The following GABRB1 variants were observed in gnomAD, a reference collection of about 807,000 sequenced individuals.
The protein encoded by GABRB1 is gamma-aminobutyric acid type A receptor subunit beta1.
Under a neutral mutation model 51.6 loss-of-function variants are expected in GABRB1, and 17 were observed. The observed-to-expected ratio is 0.33, with a 90% confidence interval of 0.23 to 0.49. The LOEUF (loss-of-function observed/expected upper bound fraction) is 0.49, where lower values mean the gene tolerates loss of function less well. Ranked by LOEUF, GABRB1 falls within the 20% of genes least tolerant of loss-of-function variation. The pLI is 0.99. For missense variants in GABRB1, 410 were observed against 600.6 expected (o/e 0.68, Z 3.32); for synonymous variants, 247 against 218.9 (o/e 1.13, Z -1.14).
chr4:47,406,707 A>C lies in GABRB1; in HGVS notation c.861A>C (p.Thr287=). 1 of 1,614,188 alleles carries C rather than the reference A, an allele frequency of 6.2e-7. No individual in the cohort carries two copies. Among genetic ancestry groups the C allele is most frequent in the Non-Finnish European group, 8.5e-7 (1 of 1,180,014 alleles). ...ALGITTVLTM[T]TISTHLRETL... Reference sequence around the variant, plus strand: ...GAATCACGACAGTGCTTACAATGACAACCATCAGCACCCACCTCAGGGAGA... The same window carrying C: ...GAATCACGACAGTGCTTACAATGACCACCATCAGCACCCACCTCAGGGAGA... Residue 287 remains threonine, a synonymous_variant, in exon 8 of 9, where the codon ACA becomes ACC. Coordinates refer to ENST00000295454, the MANE Select transcript of GABRB1 (RefSeq NM_000812.4).
intron 5 of GABRB1, among the ~76,000 whole-genome samples, chr4:47,330,479 T>C (rs1388531052): frequency 6.6e-6 from 1 of 152,160 alleles, no homozygotes; most frequent in Non-Finnish European, 1.5e-5. Context: ...AAGTAGACAA[T>C]AGTCAGAAGC....
At chr4:47,333,053 G>A (rs562465069) in intron 5 of GABRB1, among the ~76,000 whole-genome samples, 40 of 147,206 alleles carry the variant, frequency 2.7e-4, no homozygotes, top group Middle Eastern at 3.6e-3. Flanking sequence ...GTTGTTACAA[G>A]ATGTTAATCT....
intron 5 of GABRB1, among the ~76,000 whole-genome samples, chr4:47,360,033 G>A (rs1726742870): frequency 6.6e-6 from 1 of 151,810 alleles, no homozygotes; most frequent in South Asian, 2.1e-4. Flanking sequence ...CAACATGAGA[G>A]CGGGGAGGAT....
intron 5 of GABRB1, among the ~76,000 whole-genome samples, chr4:47,386,443 A>G (rs2110034556): frequency 6.6e-6 from 1 of 152,344 alleles, no homozygotes; most frequent in East Asian, 1.9e-4. Context: ...TTTATTGATA[A>G]CAAGCACATC....
chr4:47,036,540 G>A (rs1725575361), intron 3 of GABRB1, among the ~76,000 whole-genome samples: 1 of 152,178 alleles, frequency 6.6e-6, no homozygotes, highest in African/African-American at 2.4e-5. Flanking sequence ...TGAATATCAA[G>A]GTAGTACATT....
At chr4:47,286,662 A>G (rs550715133) in intron 4 of GABRB1, among the ~76,000 whole-genome samples, 1 of 152,380 alleles carries the variant, frequency 6.6e-6, no homozygotes, top group South Asian at 2.1e-4. Context: ...CCTGTAGCTT[A>G]TGAGGTATAG....
rs1305298443 is a variant in GABRB1, at chr4:47,254,361, G to GGTTTTTTTTTTTTTTTTTTTTTTT, written c.462-65766_462-65765insGTTTTTTTTTTTTTTTTTTTTTTT. Among the ~76,000 whole-genome samples, 3 of 80,966 alleles carry GGTTTTTTTTTTTTTTTTTTTTTTT rather than the reference G, an allele frequency of 3.7e-5. 1 individual carries two copies. The highest frequency in any genetic ancestry group is 5.2e-5 in the African/African-American group (1 of 19,264). 53.1% of individuals were successfully genotyped at this position (80,966 alleles called of 152,430 possible). The stretch of plus-strand genomic sequence containing the variant: ...ATGGTGGATGATGTTTCTTTTCTTT[G>GGTTTTTTTTTTTTTTTTTTTTTTT]TTTTTTTTTTTTTTTTTTTTTTTTT... On this transcript the variant is annotated intron_variant, in intron 4 of 8. Transcript: ENST00000295454.
At chr4:47,286,029 T>C (rs559046687) in intron 4 of GABRB1, among the ~76,000 whole-genome samples, 170 of 152,346 alleles carry the variant, frequency 1.1e-3, no homozygotes, top group Non-Finnish European at 2.1e-3. Flanking sequence ...ACTTTTCTCA[T>C]TACTGGAAGA....
At chr4:47,262,810 T>C (rs1048912577) in intron 4 of GABRB1, among the ~76,000 whole-genome samples, 6 of 152,012 alleles carry the variant, frequency 3.9e-5, no homozygotes, top group African/African-American at 9.7e-5. Context: ...CCAACAATGA[T>C]AGACTGGATT....
At chr4:47,404,908 A>G (rs1477320813) in intron 7 of GABRB1, among the ~76,000 whole-genome samples, 4 of 152,178 alleles carry the variant, frequency 2.6e-5, no homozygotes, top group African/African-American at 9.7e-5. Context: ...CAAAGCTAAT[A>G]CTATTTTAAT....
intron 3 of GABRB1, among the ~76,000 whole-genome samples, chr4:47,035,665 C>T (rs112981026): frequency 7.2e-5 from 11 of 152,018 alleles, no homozygotes; most frequent in South Asian, 4.1e-4. Context: ...TACACACACA[C>T]GCACAAAGAG....
intron 4 of GABRB1, among the ~76,000 whole-genome samples, chr4:47,246,519 C>T (rs1486258435): frequency 6.7e-6 from 1 of 149,280 alleles, no homozygotes; most frequent in Non-Finnish European, 1.5e-5. Flanking sequence ...CATATATTGA[C>T]TTCTTTGTCT....
At chr4:47,352,172 AT>A (rs1223792448) in intron 5 of GABRB1, among the ~76,000 whole-genome samples, 2 of 152,158 alleles carry the variant, frequency 1.3e-5, no homozygotes, top group East Asian at 3.8e-4. Flanking sequence ...GATGACGAGC[AT>A]TTTTTCATGT....
chr4:47,417,575 G>A (rs1020018490), intron 8 of GABRB1, among the ~76,000 whole-genome samples: 4 of 152,182 alleles, frequency 2.6e-5, no homozygotes, highest in African/African-American at 9.7e-5. Context: ...GGAAGATGAA[G>A]GCTGGGCTGT....
chr4:47,063,899 G>C (rs1479595807), intron 3 of GABRB1, among the ~76,000 whole-genome samples: 3 of 152,166 alleles, frequency 2.0e-5, no homozygotes, highest in South Asian at 4.2e-4. Flanking sequence ...GGGCAGGGCT[G>C]GGGGAGAGCA....
chr4:47,017,165 C>A (rs933166916), intron 1 of GABRB1, among the ~76,000 whole-genome samples: 3 of 152,166 alleles, frequency 2.0e-5, no homozygotes. Context: ...GTGCGGCCTT[C>A]TCCATGTTTT....
chr4:47,116,819 G>C (rs1003905737), intron 3 of GABRB1, among the ~76,000 whole-genome samples: 1 of 152,140 alleles, frequency 6.6e-6, no homozygotes, highest in African/African-American at 2.4e-5. Context: ...AGGCTGTACA[G>C]GAAGTATGAT....
intron 5 of GABRB1, among the ~76,000 whole-genome samples, chr4:47,344,222 A>G (rs955224658): frequency 2.6e-5 from 4 of 152,228 alleles, no homozygotes; most frequent in Non-Finnish European, 5.9e-5. Context: ...AGACCTGGCT[A>G]ATGGAGAAAT....
At chr4:47,094,498 C>T (rs376323056) in intron 3 of GABRB1, among the ~76,000 whole-genome samples, 53 of 152,120 alleles carry the variant, frequency 3.5e-4, no homozygotes, top group African/African-American at 1.2e-3. Context: ...ACTGGGATTA[C>T]AGGCATAAGC....
Sources: allele counts gnomAD v4.1 joint callset (sites outside exome capture counted in the v4.1 genomes callset), GRCh38; gene constraint gnomAD v4.1.1; transcripts MANE v1.5; gene names NCBI Gene and HGNC (gene_info 2026-07-23, HGNC 2026-07-21).